Variants in ZFYVE16 observed in about 807,000 individuals in gnomAD.
ZFYVE16 encodes zinc finger FYVE domain-containing protein 16.
Under a neutral mutation model 138.1 loss-of-function variants are expected in ZFYVE16, and 89 were observed. That is an observed-to-expected ratio of 0.64 (90% CI 0.54 to 0.77). The LOEUF (loss-of-function observed/expected upper bound fraction) is 0.77, where lower values mean the gene tolerates loss of function less well. ZFYVE16 is among the 30% of genes least tolerant of loss of function. The pLI is 0.00. For missense variants in ZFYVE16, 1,793 were observed against 1,786.7 expected (o/e 1.00, Z -0.06); for synonymous variants, 596 against 618.3 (o/e 0.96, Z 0.53).
At chr5:80,433,044 C>G (rs1749317743) in intron 2 of ZFYVE16, among the ~76,000 whole-genome samples, 1 of 152,128 alleles carries the variant, frequency 6.6e-6, no homozygotes, top group African/African-American at 2.4e-5. Flanking sequence ...CCTTAGGGAT[C>G]TAGAACTAGA....
At chr5:80,431,155 A>C (rs1456871941) in intron 2 of ZFYVE16, among the ~76,000 whole-genome samples, 2 of 152,234 alleles carry the variant, frequency 1.3e-5, no homozygotes, top group Non-Finnish European at 2.9e-5. Flanking sequence ...TTTTAGACCA[A>C]TATCCCTGAT....
At position 80,450,444 on chromosome 5, in the gene ZFYVE16, A is replaced by G. The variant is rs758470436; in HGVS notation, c.3240A>G (p.Lys1080=). 2.5e-6 allele frequency: 4 copies of G among 1,613,332 alleles called. No homozygotes were observed. In the South Asian group the frequency reaches 4.4e-5, roughly 18 times the overall value. ...TTATCATCTAAGATTCCTCAGACAA[A>G]TATTGGTACTTTTCAACCAATGGAT... ...NVKFIFYSSD[K]YWYFSTNGLH... is the part of the protein sequence containing the mutation. Residue 1080 remains lysine (K), a synonymous_variant, in exon 10 of 19, where the codon AAA becomes AAG. Transcript: ENST00000505560.
intron 3 of ZFYVE16, among the ~76,000 whole-genome samples, chr5:80,436,376 G>A (rs540433473): frequency 1.3e-5 from 2 of 152,264 alleles, no homozygotes; most frequent in South Asian, 4.1e-4. Flanking sequence ...AATTATCAGA[G>A]CAACTATGCA....
intron 3 of ZFYVE16, 130 bp downstream of exon 3, chr5:80,434,347 A>G (rs1004272923): frequency 2.8e-5 from 22 of 798,566 alleles, no homozygotes; most frequent in South Asian, 3.7e-5. Context: ...CAAAAAGTTC[A>G]TTTATTTCAT....
chr5:80,407,729 G>C (rs952943483), upstream of ZFYVE16, among the ~76,000 whole-genome samples: 8 of 152,228 alleles, frequency 5.3e-5, no homozygotes, highest in Admixed American at 3.9e-4. Flanking sequence ...GCTGGAGCCG[G>C]GGAAGCTGCC....
At chr5:80,457,882 C>T (rs547527199) in intron 14 of ZFYVE16, among the ~76,000 whole-genome samples, 21 of 151,640 alleles carry the variant, frequency 1.4e-4, no homozygotes, top group Non-Finnish European at 5.9e-5. Flanking sequence ...AAAAATTAGC[C>T]GGGTGTGGTG....
chr5:80,438,776 A>C lies in ZFYVE16; in HGVS notation c.2091A>C (p.Pro697=). The change falls in exon 4 of 19, where the codon CCA becomes CCC. Residue 697 remains proline (P), a synonymous_variant. Coordinates refer to ENST00000505560, the MANE Select transcript of ZFYVE16 (RefSeq NM_001284236.3). Reference sequence around the variant, plus strand: ...GTGCTATAGATTCTACAGCTGATCCACAGGTTAGCTTCAACTCTAATTACA... The same window carrying C: ...GTGCTATAGATTCTACAGCTGATCCCCAGGTTAGCTTCAACTCTAATTACA... ...ITCAIDSTAD[P]QVSFNSNYID... 2.5e-6 allele frequency: 4 copies of C among 1,614,120 alleles called. No homozygotes were observed. Among genetic ancestry groups the C allele is most frequent in the South Asian group, 1.1e-5 (1 of 91,082 alleles).
chr5:80,459,365 C>G (rs1561315401), intron 14 of ZFYVE16, 49 bp from the exon 15 acceptor site: 2 of 1,521,628 alleles, frequency 1.3e-6, no homozygotes, highest in African/African-American at 2.7e-5. Flanking sequence ...AAATGTGTAA[C>G]ATAAAAATGA....
In ZFYVE16 at chr5:80,465,400, G is replaced by GTTTTGTT. The variant is rs762431523; in HGVS notation, c.4024+5910_4024+5911insGTTTTTT. ...GGTTTCTTTTTTTTTCCTTTTCTTTGTTTTTTTTTTTTTTTTTTTTTTTTG... is the reference window on the plus strand; with the variant it reads ...GGTTTCTTTTTTTTTCCTTTTCTTTGTTTTGTTTTTTTTTTTTTTTTTTTTTTTTTTG... On this transcript the variant is annotated intron_variant, in intron 15 of 18. Coordinates refer to ENST00000505560, the MANE Select transcript of ZFYVE16 (RefSeq NM_001284236.3). 4.0e-3 allele frequency among the ~76,000 whole-genome samples: 108 copies of GTTTTGTT among 26,806 alleles called. 2 individuals are homozygous for GTTTTGTT. The highest frequency in any genetic ancestry group is 0.011 in the African/African-American group (107 of 9,682). The allele number at this position is 26,806 out of a possible 152,430, so 17.6% of individuals were successfully genotyped here.
At chr5:80,440,057 C>T (rs1483583634) in intron 5 of ZFYVE16, 25 bp downstream of exon 5, 5 of 1,567,892 alleles carry the variant, frequency 3.2e-6, no homozygotes, top group Non-Finnish European at 4.3e-6. Flanking sequence ...GATATATTTT[C>T]TTCCAGTAAT....
chr5:80,418,850 T>C (rs1352025383), intron 1 of ZFYVE16, among the ~76,000 whole-genome samples: 2 of 152,224 alleles, frequency 1.3e-5, no homozygotes, highest in East Asian at 3.8e-4. Context: ...CCCAAGGTTA[T>C]GTAGATTTTC....
At chr5:80,435,016 C>T (rs565424885) in intron 3 of ZFYVE16, among the ~76,000 whole-genome samples, 32 of 152,002 alleles carry the variant, frequency 2.1e-4, no homozygotes, top group African/African-American at 7.2e-4. Context: ...CACCCCCCAC[C>T]ATGCCTGGCT....
In ZFYVE16 at chr5:80,465,400, GTTTTTT is replaced by G. The variant is rs3072097; in HGVS notation, c.4024+5925_4024+5930del. On this transcript the variant is annotated intron_variant, in intron 15 of 18. Coordinates refer to ENST00000505560, the MANE Select transcript of ZFYVE16 (RefSeq NM_001284236.3). ...GGTTTCTTTTTTTTTCCTTTTCTTTGTTTTTTTTTTTTTTTTTTTTTTTTGAGACAG... is the reference window on the plus strand; with the variant it reads ...GGTTTCTTTTTTTTTCCTTTTCTTTGTTTTTTTTTTTTTTTTTTGAGACAG... 5.2e-3 allele frequency among the ~76,000 whole-genome samples: 138 copies of G among 26,780 alleles called. 2 individuals are homozygous for G. Among genetic ancestry groups the G allele is most frequent in the African/African-American group, 0.013 (121 of 9,658 alleles). The allele number at this position is 26,780 out of a possible 152,430, so 17.6% of individuals were successfully genotyped here.
intron 1 of ZFYVE16, among the ~76,000 whole-genome samples, chr5:80,414,346 T>TA (rs1745897157): frequency 6.6e-6 from 1 of 152,204 alleles, no homozygotes; most frequent in Non-Finnish European, 1.5e-5. Flanking sequence ...ACTGCCCTTT[T>TA]ACAGTCATCT....
chr5:80,409,628 A>G (rs775979636), intron 1 of ZFYVE16: 15 of 152,254 alleles, frequency 9.9e-5, no homozygotes, highest in Non-Finnish European at 1.6e-4. Flanking sequence ...AATGTCTGGC[A>G]TTATAGAAGA....
At chr5:80,428,274 G>C (rs1217407671) in intron 2 of ZFYVE16, among the ~76,000 whole-genome samples, 1 of 152,146 alleles carries the variant, frequency 6.6e-6, no homozygotes, top group African/African-American at 2.4e-5. Flanking sequence ...GAGGAATGAT[G>C]AGGCAGCAAC....
intron 15 of ZFYVE16, among the ~76,000 whole-genome samples, chr5:80,464,316 C>G (rs1753451617): frequency 6.6e-6 from 1 of 152,146 alleles, no homozygotes. Context: ...GCAAGCAAAG[C>G]ACCTTCTTCA....
Position 80,437,785 on chromosome 5 carries a change from C to G in ZFYVE16, c.1100C>G (p.Ser367Cys). ...IQDSSSALHVSSKDVPSSLSC... is the reference protein window; with the variant it reads ...IQDSSSALHVCSKDVPSSLSC... ...GATTCCTCTTCAGCTTTACATGTTT[C>G]CAGTAAAGATGTGCCGTCCTCATTG... is the stretch of plus-strand genomic sequence containing the variant. Residue 367 changes from serine (S) to cysteine (C), a missense_variant, in exon 4 of 19, where the codon TCC becomes TGC. This residue lies in a region of ZFYVE16 where 1,295 missense variants were observed against 1,204.3 expected (regional missense o/e 1.08). Transcript: ENST00000505560. 6.2e-7 allele frequency: 1 copy of G among 1,614,050 alleles called. No individual in the cohort carries two copies. Among genetic ancestry groups the G allele is most frequent in the South Asian group, 1.1e-5 (1 of 91,074 alleles).
intron 2 of ZFYVE16, among the ~76,000 whole-genome samples, chr5:80,428,695 C>T (rs1392888526): frequency 2.0e-5 from 3 of 152,112 alleles, no homozygotes; most frequent in African/African-American, 7.2e-5. Flanking sequence ...CGCAAAGAAG[C>T]TAAAAACCTT....
Sources: gnomAD v4.1 joint callset for allele counts (sites outside exome capture counted in the v4.1 genomes callset) on GRCh38, gnomAD v4.1.1 for gene constraint, gnomAD v4.1.1 regional missense constraint, MANE v1.5 for transcripts, NCBI Gene and HGNC (gene_info 2026-07-23, HGNC 2026-07-21) for gene names.